The following CDS1 variants were observed in gnomAD, a reference collection of about 807,000 sequenced individuals.
The protein encoded by CDS1 is phosphatidate cytidylyltransferase 1.
In CDS1, 41 loss-of-function variants were observed where a neutral mutation model predicts 62.1. That is an observed-to-expected ratio of 0.66 (90% CI 0.51 to 0.86). The LOEUF (loss-of-function observed/expected upper bound fraction) is 0.86. CDS1 is among the 40% of genes least tolerant of loss of function. The pLI, the probability that CDS1 is intolerant of heterozygous loss-of-function variation, is 0.00. For synonymous variants in CDS1, 185 were observed against 192.6 expected, an observed-to-expected ratio of 0.96 and a Z score of 0.32; for missense variants, 470 against 550.1, an observed-to-expected ratio of 0.85 and a Z score of 1.46.
chr4:84,587,177 G>C (rs1722445638), intron 1 of CDS1, among the ~76,000 whole-genome samples: 1 of 152,090 alleles, frequency 6.6e-6, no homozygotes, highest in African/African-American at 2.4e-5. Context: ...AGGGATCTTA[G>C]AAACAACTTG....
intron 1 of CDS1, among the ~76,000 whole-genome samples, chr4:84,594,717 T>C (rs1722696616): frequency 6.6e-6 from 1 of 152,166 alleles, no homozygotes; most frequent in Non-Finnish European, 1.5e-5. Context: ...TTAACTGTTA[T>C]TAAGAGATTG....
At chr4:84,607,396 A>G (rs1215139077) in intron 2 of CDS1, among the ~76,000 whole-genome samples, 1 of 148,680 alleles carries the variant, frequency 6.7e-6, no homozygotes, top group African/African-American at 2.5e-5. Flanking sequence ...TGTTCCTCCC[A>G]CCTCAGCCCC....
Position 84,617,640 on chromosome 4 carries a change from C to A in CDS1, c.419C>A (p.Pro140Gln). The A allele has an allele frequency of 6.5e-7, 1 of 1,548,592 alleles. No individual in the cohort carries two copies. The highest frequency in any genetic ancestry group is 8.9e-7 in the Non-Finnish European group (1 of 1,126,680). Residue 140 changes from proline (P) to glutamine (Q), a missense_variant, in exon 4 of 13, where the codon CCA becomes CAA. This residue lies in a region of CDS1 where 34 missense variants were observed against 64.8 expected (regional missense o/e 0.52). Coordinates refer to ENST00000295887, the MANE Select transcript of CDS1 (RefSeq NM_001263.4). Reference sequence around the variant, plus strand: ...AGAGTCTATCATTCTTATGATCTACCATGGTTTAGAACACTAAGTTGGTAA... The same window carrying A: ...AGAGTCTATCATTCTTATGATCTACAATGGTTTAGAACACTAAGTTGGTAA... Reference protein sequence around the residue: ...GYRVYHSYDLPWFRTLSWYFL... With the variant: ...GYRVYHSYDLQWFRTLSWYFL...
intron 11 of CDS1, among the ~76,000 whole-genome samples, chr4:84,644,118 C>T (rs983097084): frequency 6.6e-6 from 1 of 152,094 alleles, no homozygotes; most frequent in Non-Finnish European, 1.5e-5. Context: ...TCACACGCGG[C>T]CTACGGGGTC....
At chr4:84,591,447 G>T (rs991801264) in intron 1 of CDS1, among the ~76,000 whole-genome samples, 1 of 152,004 alleles carries the variant, frequency 6.6e-6, no homozygotes, top group Admixed American at 6.6e-5. Context: ...GTTACTTTTT[G>T]GTGGCTTTTT....
Position 84,635,321 on chromosome 4 carries a change from A to ATT in CDS1, c.788_789dup (p.Gly264LeufsTer6). The ATT allele has an allele frequency of 6.5e-7, 1 of 1,545,198 alleles. No homozygotes were observed. Among genetic ancestry groups the ATT allele is most frequent in the Non-Finnish European group, 8.8e-7 (1 of 1,134,282 alleles). On this transcript the variant is annotated frameshift_variant, in exon 8 of 13. Transcript: ENST00000295887. LOFTEE classifies it high-confidence loss of function. ...ATGACATAACTGCTTACCTTTTTGG[A>ATT]TTTTTTTTTGGGAGAACTCCATTAA...
intron 5 of CDS1, among the ~76,000 whole-genome samples, chr4:84,627,184 A>C (rs1303556873): frequency 6.6e-6 from 1 of 152,342 alleles, no homozygotes; most frequent in South Asian, 2.1e-4. Flanking sequence ...AAGCAGAGAC[A>C]GTTCAAATTA....
chr4:84,621,692 G>T (rs1040365501), intron 5 of CDS1, among the ~76,000 whole-genome samples: 3 of 152,156 alleles, frequency 2.0e-5, no homozygotes, highest in Non-Finnish European at 4.4e-5. Context: ...CTCCCAAAGT[G>T]CTGGGATTAC....
At position 84,648,666 on chromosome 4, in the gene CDS1, C is replaced by T. The variant is rs945900364; in HGVS notation, c.1366C>T (p.Gln456Ter). 2 of 1,613,426 alleles carry T rather than the reference C, an allele frequency of 1.2e-6. No individual in the cohort carries two copies. Among genetic ancestry groups the T allele is most frequent in the African/African-American group, 2.7e-5 (2 of 75,018 alleles). Residue 456 changes from glutamine (Q) to a stop codon, truncating the protein, a stop_gained, in exon 13 of 13, where the codon CAA becomes TAA. Coordinates refer to ENST00000295887, the MANE Select transcript of CDS1 (RefSeq NM_001263.4). LOFTEE classifies it high-confidence loss of function. ...TCATCTCATTGAGAAAGGAATCCTACAACCCACCTTGAAGGTATAACTGGA... is the reference window on the plus strand; with the variant it reads ...TCATCTCATTGAGAAAGGAATCCTATAACCCACCTTGAAGGTATAACTGGA... ...KTHLIEKGIL[Q>*]PTLKV
chr4:84,589,129 C>G (rs1414915149), intron 1 of CDS1, among the ~76,000 whole-genome samples: 1 of 152,158 alleles, frequency 6.6e-6, no homozygotes, highest in Non-Finnish European at 1.5e-5. Context: ...TTTACAGAAG[C>G]ATTACAAAGA....
chr4:84,639,833 TAATAA>T (rs1392168081), intron 9 of CDS1, among the ~76,000 whole-genome samples: 1 of 152,108 alleles, frequency 6.6e-6, no homozygotes, highest in East Asian at 1.9e-4. Flanking sequence ...ATGAAAATTT[TAATAA>T]AATGTGATAA....
chr4:84,626,071 G>A (rs1723848253), intron 5 of CDS1, among the ~76,000 whole-genome samples: 1 of 152,062 alleles, frequency 6.6e-6, no homozygotes, highest in African/African-American at 2.4e-5. Flanking sequence ...GGAGGCTGAC[G>A]CAGGGGAATC....
chr4:84,633,714 C>T (rs753967719), intron 6 of CDS1, 143 bp from the exon 7 acceptor site: 3 of 410,164 alleles, frequency 7.3e-6, no homozygotes, highest in African/African-American at 6.2e-5. Flanking sequence ...AATTTACTAA[C>T]AGTGTTTTTA....
intron 1 of CDS1, among the ~76,000 whole-genome samples, chr4:84,585,124 A>G (rs1357212899): frequency 6.6e-6 from 1 of 152,186 alleles, no homozygotes; most frequent in Non-Finnish European, 1.5e-5. Flanking sequence ...ACCATAATGT[A>G]TTTAAAATGG....
Position 84,646,063 on chromosome 4 carries a change from G to C in CDS1, c.1256+738G>C, listed in dbSNP as rs1301027033. On this transcript the variant is annotated intron_variant, in intron 12 of 12. Coordinates refer to ENST00000295887, the MANE Select transcript of CDS1 (RefSeq NM_001263.4). ...AACTTTATTTTCTGTGGTCTCTACT[G>C]GGGGCCCAGAAGGCAGAATGCTTAT... is the stretch of plus-strand genomic sequence containing the variant. Among the ~76,000 whole-genome samples, 3 of 152,258 alleles carry C rather than the reference G, an allele frequency of 2.0e-5. No homozygotes were observed. In the East Asian group the frequency reaches 5.8e-4, roughly 29 times the overall value.
intron 5 of CDS1, among the ~76,000 whole-genome samples, chr4:84,621,437 G>C (rs1292149352): frequency 6.6e-6 from 1 of 151,994 alleles, no homozygotes; most frequent in Non-Finnish European, 1.5e-5. Flanking sequence ...CAGTTCCTAG[G>C]CCTTCTAATT....
intron 3 of CDS1, among the ~76,000 whole-genome samples, chr4:84,615,785 G>T (rs1027429895): frequency 6.6e-6 from 1 of 152,030 alleles, no homozygotes; most frequent in African/African-American, 2.4e-5. Context: ...ACATTAATTG[G>T]GCCAACAGAG....
At chr4:84,611,268 A>G (rs1316488849) in intron 3 of CDS1, among the ~76,000 whole-genome samples, 2 of 152,256 alleles carry the variant, frequency 1.3e-5, no homozygotes, top group Non-Finnish European at 2.9e-5. Context: ...GACAGCACAC[A>G]GTGAGAGCCT....
chr4:84,641,131 A>C, intron 10 of CDS1, 141 bp downstream of exon 10: 1 of 516,734 alleles, frequency 1.9e-6, no homozygotes, highest in Non-Finnish European at 2.9e-6. Flanking sequence ...GCTGGAGTGT[A>C]GTGGCGTAAT....
Sources: gnomAD v4.1 joint callset for allele counts (sites outside exome capture counted in the v4.1 genomes callset) on GRCh38, gnomAD v4.1.1 for gene constraint, gnomAD v4.1.1 regional missense constraint, MANE v1.5 for transcripts, NCBI Gene and HGNC (gene_info 2026-07-23, HGNC 2026-07-21) for gene names.